The following FILIP1L variants were observed in gnomAD, a reference collection of about 807,000 sequenced individuals.
The protein encoded by FILIP1L is filamin A interacting protein 1 like, also known as filamin A-interacting protein 1-like.
Under a neutral mutation model 96.6 loss-of-function variants are expected in FILIP1L, and 55 were observed. That is an observed-to-expected ratio of 0.57 (90% CI 0.46 to 0.71). The LOEUF is 0.71. Among genes scored for constraint, FILIP1L ranks in the 30% least tolerant of loss-of-function variants. The pLI, the probability that FILIP1L is intolerant of heterozygous loss-of-function variation, is 0.00. For missense variants in FILIP1L, 1,304 were observed against 1,321.2 expected (o/e 0.99, Z 0.20); for synonymous variants, 467 against 473.9 (o/e 0.99, Z 0.19).
At chr3:99,949,857 A>G (rs1708123844) in intron 1 of FILIP1L, among the ~76,000 whole-genome samples, 1 of 152,214 alleles carries the variant, frequency 6.6e-6, no homozygotes, top group Non-Finnish European at 1.5e-5. Context: ...CTTAAAATCC[A>G]TCACAATTAT....
intron 1 of FILIP1L, among the ~76,000 whole-genome samples, chr3:100,096,876 C>A (rs891553544): frequency 2.6e-5 from 4 of 151,722 alleles, no homozygotes; most frequent in Non-Finnish European, 5.9e-5. Context: ...TCTCATATAC[C>A]CCATAAATAT....
At position 99,849,251 on chromosome 3, in the gene FILIP1L, G is replaced by A; in HGVS notation, c.2425C>T (p.Pro809Ser). 1.2e-5 allele frequency: 19 copies of A among 1,614,118 alleles called. No individual in the cohort carries two copies. The highest frequency in any genetic ancestry group is 1.6e-5 in the Non-Finnish European group (19 of 1,179,978). The change falls in exon 5 of 6, where the codon CCA becomes TCA. Residue 809 changes from proline to serine, a missense_variant. Physicochemically the swap from Pro to Ser is moderately conservative, Grantham distance 74 (BLOSUM62 -1). Transcript: ENST00000477258. The part of the protein sequence containing the change: ...EVQTEAVDNE[P>S]PDYKSLIPLE... ...GGAATGAGGCTCTTGTAATCAGGTG[G>A]TTCATTGTCTACTGCTTCTGTCTGA...
At chr3:100,066,102 G>A (rs1450471180) in intron 1 of FILIP1L, among the ~76,000 whole-genome samples, 1 of 152,190 alleles carries the variant, frequency 6.6e-6, no homozygotes, top group Admixed American at 6.5e-5. Context: ...TACTCTTTAA[G>A]AGATTACCAT....
chr3:99,968,329 C>T (rs1020835451), intron 1 of FILIP1L, among the ~76,000 whole-genome samples: 9 of 150,656 alleles, frequency 6.0e-5, no homozygotes, highest in South Asian at 2.1e-4. Context: ...CTTAGGGGTA[C>T]GAGTGAGAAA....
chr3:100,018,855 A>G (rs1184632341), intron 1 of FILIP1L, among the ~76,000 whole-genome samples: 1 of 152,212 alleles, frequency 6.6e-6, no homozygotes, highest in East Asian at 1.9e-4. Flanking sequence ...CTCAATAACA[A>G]AAAACAAATA....
At chr3:100,064,740 A>G (rs1435842417) in intron 1 of FILIP1L, among the ~76,000 whole-genome samples, 1 of 152,204 alleles carries the variant, frequency 6.6e-6, no homozygotes, top group Non-Finnish European at 1.5e-5. Context: ...ACTCATCTGT[A>G]AGAACATTCT....
chr3:99,898,764 TAA>T (rs35626116), intron 4 of FILIP1L: 35,040 of 123,424 alleles, frequency 0.28, 5,061 homozygotes, highest in Admixed American at 0.36. Context: ...AGACTCCATC[TAA>T]AAAAAAAAAA....
At chr3:99,878,686 G>A (rs760146781) in intron 4 of FILIP1L, among the ~76,000 whole-genome samples, 6 of 152,170 alleles carry the variant, frequency 3.9e-5, no homozygotes, top group Non-Finnish European at 5.9e-5. Context: ...TGGCAGCAAC[G>A]TATCTTGTTC....
At chr3:100,112,132 C>A (rs925696516) in intron 1 of FILIP1L, among the ~76,000 whole-genome samples, 1 of 152,158 alleles carries the variant, frequency 6.6e-6, no homozygotes, top group African/African-American at 2.4e-5. Flanking sequence ...TATAACTAAA[C>A]AAACTTACTG....
chr3:99,862,385 A>G (rs1043184458), intron 4 of FILIP1L, among the ~76,000 whole-genome samples: 5 of 152,222 alleles, frequency 3.3e-5, no homozygotes, highest in African/African-American at 4.8e-5. Context: ...ATATGACTAC[A>G]TAATGTTTAT....
intron 1 of FILIP1L, among the ~76,000 whole-genome samples, chr3:99,936,017 T>A (rs1353579562): frequency 6.6e-6 from 1 of 152,210 alleles, no homozygotes; most frequent in African/African-American, 2.4e-5. Context: ...AAAATCATTC[T>A]TTATTAATGT....
intron 4 of FILIP1L, among the ~76,000 whole-genome samples, chr3:99,871,468 A>G (rs542992252): frequency 6.6e-6 from 1 of 152,340 alleles, no homozygotes; most frequent in South Asian, 2.1e-4. Flanking sequence ...GAAGGAGTTT[A>G]TAGTCCAAGA....
intron 1 of FILIP1L, among the ~76,000 whole-genome samples, chr3:100,086,907 C>T (rs2066018786): frequency 6.6e-6 from 1 of 152,026 alleles, no homozygotes; most frequent in Admixed American, 6.6e-5. Context: ...GATTTTTTTT[C>T]TGTTCCTCTA....
chr3:99,940,413 G>A (rs1707817856), intron 1 of FILIP1L, among the ~76,000 whole-genome samples: 1 of 152,166 alleles, frequency 6.6e-6, no homozygotes, highest in Non-Finnish European at 1.5e-5. Flanking sequence ...CAGTGATAAT[G>A]AGCCAGTCAC....
intron 1 of FILIP1L, among the ~76,000 whole-genome samples, chr3:100,014,858 T>G (rs1710275948): frequency 6.7e-6 from 1 of 148,686 alleles, no homozygotes; most frequent in Non-Finnish European, 1.5e-5. Context: ...TGCAACACCA[T>G]TTGTCTTTTT....
chr3:100,016,200 G>A (rs1710333386), intron 1 of FILIP1L, among the ~76,000 whole-genome samples: 1 of 151,986 alleles, frequency 6.6e-6, no homozygotes, highest in Non-Finnish European at 1.5e-5. Context: ...TTGTTTGTTT[G>A]TTTGTTTTTG....
chr3:99,832,375 C>G (rs1295018967), intron 5 of FILIP1L, among the ~76,000 whole-genome samples: 1 of 150,948 alleles, frequency 6.6e-6, no homozygotes, highest in Admixed American at 6.6e-5. Flanking sequence ...GGACCACAGG[C>G]GACCGCCACC....
chr3:99,869,155 TCTGGAAGGAGAAC>T (rs1175985044), intron 4 of FILIP1L, among the ~76,000 whole-genome samples: 2 of 152,220 alleles, frequency 1.3e-5, no homozygotes, highest in African/African-American at 4.8e-5. Context: ...TCTTGTCACT[TCTGGAAGGAGAAC>T]CATTTAGTGA....
chr3:100,025,533 A>G (rs553793224), intron 1 of FILIP1L: 3 of 152,324 alleles, frequency 2.0e-5, no homozygotes, highest in African/African-American at 4.8e-5. Flanking sequence ...AGGAACGGGG[A>G]AAGATGTTAT....
Sources: gnomAD v4.1 joint callset for allele counts (sites outside exome capture counted in the v4.1 genomes callset) on GRCh38, gnomAD v4.1.1 for gene constraint, MANE v1.5 for transcripts, NCBI Gene and HGNC (gene_info 2026-07-23, HGNC 2026-07-21) for gene names.